TRPC1: variants seen among roughly 807,000 people sequenced by gnomAD.
TRPC1 encodes transient receptor potential cation channel subfamily C member 1, also known as short transient receptor potential channel 1.
A neutral mutation model predicts 88.2 loss-of-function variants in TRPC1; 42 were observed. The observed-to-expected ratio is 0.48, with a 90% CI of 0.37 to 0.62. TRPC1 has a LOEUF of 0.62. TRPC1 is among the 20% of genes least tolerant of loss of function. The probability of loss-of-function intolerance (pLI) is 0.00; values close to 1 mark genes in which losing one functional copy is unlikely to be tolerated. For missense variants in TRPC1, 699 were observed against 957.3 expected (o/e 0.73, Z 3.56); for synonymous variants, 288 against 331.8 (o/e 0.87, Z 1.43).
At position 142,764,103 on chromosome 3, in the gene TRPC1, T is replaced by G. The variant is rs576450715; in HGVS notation, c.633-13529T>G. Among the ~76,000 whole-genome samples the G allele has an allele frequency of 3.3e-5, 5 of 150,926 alleles. No individual in the cohort carries two copies. In the South Asian group the frequency reaches 1.0e-3, roughly 31 times the overall value. On this transcript the variant is annotated intron_variant, in intron 4 of 12. Transcript: ENST00000476941. ...GCAAAAAAAAATTCTACACTTTAGCTTCTTCTCCCAACATTTTCACTTTTA... is the reference window on the plus strand; with the variant it reads ...GCAAAAAAAAATTCTACACTTTAGCGTCTTCTCCCAACATTTTCACTTTTA...
intron 2 of TRPC1, among the ~76,000 whole-genome samples, chr3:142,740,409 T>C (rs1211058918): frequency 6.6e-6 from 1 of 152,176 alleles, no homozygotes; most frequent in East Asian, 1.9e-4. Context: ...CAGATGAACA[T>C]TATATTTCTA....
chr3:142,777,518 T>G (rs1935819875), intron 4 of TRPC1, 114 bp from the exon 5 acceptor site: 2 of 610,012 alleles, frequency 3.3e-6, no homozygotes, highest in South Asian at 1.5e-4. Context: ...ATATCTGTAG[T>G]TTTTCTTTTA....
At chr3:142,762,861 A>G (rs1474754071) in intron 4 of TRPC1, among the ~76,000 whole-genome samples, 2 of 152,074 alleles carry the variant, frequency 1.3e-5, no homozygotes, top group African/African-American at 4.8e-5. Context: ...AGATTTTGGT[A>G]TGTTATATTC....
intron 3 of TRPC1, among the ~76,000 whole-genome samples, chr3:142,745,458 A>G (rs903645248): frequency 7.2e-5 from 11 of 152,126 alleles, no homozygotes; most frequent in Non-Finnish European, 1.5e-4. Flanking sequence ...AGCCTGACCA[A>G]TATGGAGAAA....
chr3:142,743,734 A>G (rs553848205), intron 3 of TRPC1, 148 bp downstream of exon 3: 1 of 480,260 alleles, frequency 2.1e-6, no homozygotes, highest in South Asian at 5.1e-5. Context: ...AAAAGTGGAC[A>G]CTTGCAGGAA....
At chr3:142,728,981 A>T in intron 1 of TRPC1, among the ~76,000 whole-genome samples, 1 of 152,150 alleles carries the variant, frequency 6.6e-6, no homozygotes, top group East Asian at 1.9e-4. Flanking sequence ...TAAAGAGGGT[A>T]TTGTAGGCAG....
At chr3:142,791,251 C>T (rs1026497531) in intron 8 of TRPC1, 93 bp downstream of exon 8, 3 of 1,121,606 alleles carry the variant, frequency 2.7e-6, no homozygotes, top group African/African-American at 3.2e-5. Flanking sequence ...TTACATTGAG[C>T]CAGATCAGTG....
intron 6 of TRPC1, among the ~76,000 whole-genome samples, chr3:142,782,531 T>C (rs777290965): frequency 6.6e-6 from 1 of 152,200 alleles, no homozygotes; most frequent in Non-Finnish European, 1.5e-5. Context: ...TATTATGCTC[T>C]TGGATTCTTA....
At position 142,802,312 on chromosome 3, in the gene TRPC1, C is replaced by G; in HGVS notation, c.1725C>G (p.Phe575Leu). Residue 575 changes from phenylalanine (F) to leucine (L), a missense_variant, in exon 10 of 13, where the codon TTC (phenylalanine) becomes TTG (leucine). By Grantham distance (22) the Phe-to-Leu change is conservative (BLOSUM62 0). Transcript: ENST00000476941. ...AGCAGAAGGACTGTGTAGGCATCTT[C>G]TGTGAACAGCAAAGCAATGATACCT... ...SKEQKDCVGI[F>L]CEQQSNDTFH... 6.6e-7 allele frequency: 1 copy of G among 1,512,444 alleles called. No individual in the cohort carries two copies. The highest frequency in any genetic ancestry group is 1.4e-5 in the South Asian group (1 of 69,956). The allele number at this position is 1,512,444 out of a possible 1,614,324, so 93.7% of individuals were successfully genotyped here. A position where few individuals can be genotyped will look rare whatever the true frequency, so the allele number is the denominator to read the frequency against.
In TRPC1 at chr3:142,777,620, A is replaced by G; in HGVS notation, c.633-12A>G. The G allele has an allele frequency of 1.3e-6, 2 of 1,558,546 alleles. No homozygotes were observed. The highest frequency in any genetic ancestry group is 1.7e-6 in the Non-Finnish European group (2 of 1,151,004). ...AGTTTATTTTACATTATGGAATCCA[A>G]TTTTATCACAGGTTTCGTCTTGATA... On this transcript the variant is annotated splice_polypyrimidine_tract_variant and intron_variant, in intron 4 of 12. Coordinates refer to ENST00000476941, the MANE Select transcript of TRPC1 (RefSeq NM_001251845.2).
intron 12 of TRPC1, 143 bp downstream of exon 12, chr3:142,804,773 C>A: frequency 1.6e-6 from 1 of 639,482 alleles, no homozygotes; most frequent in Admixed American, 3.5e-5. Context: ...TAATGTACGG[C>A]ATCGCATCCA....
chr3:142,800,752 A>T (rs2108160554), intron 9 of TRPC1, among the ~76,000 whole-genome samples: 1 of 152,034 alleles, frequency 6.6e-6, no homozygotes, highest in African/African-American at 2.4e-5. Flanking sequence ...CCCGATCTCT[A>T]CTAAAAATAC....
In TRPC1 at chr3:142,724,504, CGG is replaced by C; in HGVS notation, c.-53_-52del. ...GCGTGGCTGGGGTCGGGGTCGGGGT[CGG>C]GGCCGGTGGGGGCCCCGCCCCCGTC... On this transcript the variant is annotated 5_prime_UTR_variant, in exon 1 of 13. Coordinates refer to ENST00000476941, the MANE Select transcript of TRPC1 (RefSeq NM_001251845.2). This position sits in a 1 kb window ranked among gnomAD's most constrained non-coding sequence, Gnocchi z 5.6. 2.1e-6 allele frequency: 3 copies of C among 1,412,598 alleles called. No individual in the cohort carries two copies. The highest frequency in any genetic ancestry group is 2.8e-6 in the Non-Finnish European group (3 of 1,083,236). The allele number at this position is 1,412,598 out of a possible 1,614,324, so 87.5% of individuals were successfully genotyped here.
At chr3:142,747,719 T>C (rs992859289) in intron 3 of TRPC1, among the ~76,000 whole-genome samples, 1 of 152,212 alleles carries the variant, frequency 6.6e-6, no homozygotes, top group Admixed American at 6.5e-5. Flanking sequence ...GGAAGTAGTA[T>C]ATGTAATGAT....
intron 9 of TRPC1, 107 bp from the exon 10 acceptor site, chr3:142,802,062 C>T: frequency 1.5e-6 from 1 of 675,774 alleles, no homozygotes; most frequent in Non-Finnish European, 2.3e-6. Flanking sequence ...GAAGGGGTGG[C>T]CTGTGGATTA....
rs748182947 is a variant in TRPC1, at chr3:142,784,741, C to T, written c.998C>T (p.Thr333Ile). The T allele has an allele frequency of 1.2e-6, 2 of 1,613,794 alleles. No individual in the cohort carries two copies. The highest frequency in any genetic ancestry group is 2.2e-5 in the South Asian group (2 of 91,026). The change falls in exon 7 of 13, where the codon ACT becomes ATT. Residue 333 changes from threonine (T) to isoleucine (I), a missense_variant. By Grantham distance (89) the Thr-to-Ile change is moderately conservative. Transcript: ENST00000476941. Reference sequence around the variant, plus strand: ...TCTAACTGCCAGCAGTTCCTGAACACTGTTTGGTTTGGACAGATGTCGGGT... The same window carrying T: ...TCTAACTGCCAGCAGTTCCTGAACATTGTTTGGTTTGGACAGATGTCGGGT... ...SQSNCQQFLN[T>I]VWFGQMSGYR...
At chr3:142,793,037 G>T in intron 9 of TRPC1, 70 bp downstream of exon 9, 1 of 1,290,690 alleles carries the variant, frequency 7.7e-7, no homozygotes, top group Non-Finnish European at 1.0e-6. Flanking sequence ...TCCTTGTCCA[G>T]TGGAATACTG....
At chr3:142,782,294 G>A (rs766129603) in intron 6 of TRPC1, among the ~76,000 whole-genome samples, 1 of 152,132 alleles carries the variant, frequency 6.6e-6, no homozygotes, top group Non-Finnish European at 1.5e-5. Flanking sequence ...ACAAGAAGTA[G>A]TAGTAATATT....
chr3:142,737,106 T>C (rs1279274033), intron 2 of TRPC1, among the ~76,000 whole-genome samples: 1 of 152,164 alleles, frequency 6.6e-6, no homozygotes, highest in East Asian at 1.9e-4. Context: ...AAAACAGGCA[T>C]GTGTGTAAGT....
Sources: gnomAD v4.1 joint callset for allele counts (sites outside exome capture counted in the v4.1 genomes callset) on GRCh38, gnomAD v4.1.1 for gene constraint, Gnocchi (gnomAD v3.1) non-coding constraint, MANE v1.5 for transcripts, NCBI Gene and HGNC (gene_info 2026-07-23, HGNC 2026-07-21) for gene names.